Variants in IRAK1 observed in about 807,000 individuals in gnomAD.
The protein encoded by IRAK1 is interleukin 1 receptor associated kinase 1, also known as interleukin-1 receptor-associated kinase 1.
IRAK1 carries 9 observed loss-of-function variants against 49.8 expected under a neutral mutation model. That is an observed-to-expected ratio of 0.18 (90% CI 0.11 to 0.32). The LOEUF is 0.32. Among genes scored for constraint, IRAK1 ranks in the 10% least tolerant of loss-of-function variants. The pLI, the probability that IRAK1 is intolerant of heterozygous loss-of-function variation, is 1.00. For missense variants in IRAK1, 418 were observed against 600.5 expected (o/e 0.70, Z 3.18); for synonymous variants, 282 against 270.8 (o/e 1.04, Z -0.41).
At chrX:154,016,733 G>T in intron 8 of IRAK1, 89 bp from the exon 9 acceptor site, 1 of 830,893 alleles carries the variant, frequency 1.2e-6, no homozygotes, top group Non-Finnish European at 1.7e-6. Flanking sequence ...CTGCCAGCCC[G>T]GTGCCTTGCC....
In IRAK1 at chrX:154,016,963, A is replaced by G; in HGVS notation, c.1014T>C (p.His338=). Residue 338 remains histidine, a synonymous_variant, in exon 8 of 14, where the codon CAT becomes CAC. Coordinates refer to ENST00000369980, the MANE Select transcript of IRAK1 (RefSeq NM_001569.4). Reference sequence around the variant, plus strand: ...CCCCTCCTCACCTCTTGATGTCTCCATGGATGAGGCTGGGGCTGTCCTGAT... The same window carrying G: ...CCCCTCCTCACCTCTTGATGTCTCCGTGGATGAGGCTGGGGCTGTCCTGAT... ...FLHQDSPSLI[H]GDIKSSNVLL... 1.7e-6 allele frequency: 2 copies of G among 1,197,761 alleles called. No individual in the cohort carries two copies. Among genetic ancestry groups the G allele is most frequent in the Non-Finnish European group, 2.3e-6 (2 of 882,654 alleles).
chrX:154,012,768 T>A, intron 12 of IRAK1, 90 bp from the exon 13 acceptor site: 3 of 1,015,474 alleles, frequency 3.0e-6, no homozygotes, highest in Admixed American at 5.4e-5. Context: ...AGGCCTGAAT[T>A]CCTCAGAGAA....
At chrX:154,017,795 C>CAAA (rs1451487402) in intron 7 of IRAK1, among the ~76,000 whole-genome samples, 24 of 26,140 alleles carry the variant, frequency 9.2e-4, no homozygotes, top group East Asian at 2.6e-3. Context: ...GACTCCACCT[C>CAAA]AAAAAAAAAA....
chrX:154,010,937 A>G lies in IRAK1; in HGVS notation c.*922T>C, dbSNP rs782026944. On this transcript the variant is annotated 3_prime_UTR_variant, in exon 14 of 14. Coordinates refer to ENST00000369980, the MANE Select transcript of IRAK1 (RefSeq NM_001569.4). ...GGGATGGCCTGGCTTGCAGGCCACC[A>G]CATTAGGCCAGCTCGCAGGTCCCCA... The G allele has an allele frequency of 2.9e-6, 1 of 340,145 alleles. No individual in the cohort carries two copies. The highest frequency in any genetic ancestry group is 3.1e-5 in the Admixed American group (1 of 32,036). The allele number at this position is 340,145 out of a possible 1,213,427, so 28.0% of individuals were successfully genotyped here. A position where few individuals can be genotyped will look rare whatever the true frequency, so the allele number is the denominator to read the frequency against.
chrX:154,012,496 G>C lies in IRAK1; in HGVS notation c.2080+33C>G, dbSNP rs369145157. On this transcript the variant is annotated intron_variant, in intron 13 of 13. Transcript: ENST00000369980. The stretch of plus-strand genomic sequence containing the variant: ...CTTTGGGGCTGACACGGATGCGCCT[G>C]AGCACCCCAGAGGCCAGCCTGGGCG... 5.1e-6 allele frequency: 6 copies of C among 1,187,979 alleles called. No homozygotes were observed. The African/African-American group carries it at 1.1e-4, about 21-fold the overall frequency.
intron 2 of IRAK1, 40 bp from the exon 3 acceptor site, chrX:154,019,368 TG>T: frequency 1.8e-6 from 2 of 1,133,663 alleles, no homozygotes; most frequent in Non-Finnish European, 2.3e-6. Flanking sequence ...GAGGCCCGGG[TG>T]GGGGAGCCCC....
rs1266682216 is a variant in IRAK1, at chrX:154,010,898, G to A, written c.*961C>T. On this transcript the variant is annotated 3_prime_UTR_variant, in exon 14 of 14. Coordinates refer to ENST00000369980, the MANE Select transcript of IRAK1 (RefSeq NM_001569.4). ...CGAAGCCTGACCTGGCTCGGAGCTC[G>A]TCTGTGGCGCCCAGGGATGGCCTGG... 3.0e-5 allele frequency: 10 copies of A among 336,378 alleles called. No homozygotes were observed. Among genetic ancestry groups the A allele is most frequent in the Admixed American group, 1.6e-4 (5 of 31,693 alleles). The allele number at this position is 336,378 out of a possible 1,213,427, so 27.7% of individuals were successfully genotyped here. A position where few individuals can be genotyped will look rare whatever the true frequency, so the allele number is the denominator to read the frequency against.
chrX:154,012,536 G>A lies in IRAK1; in HGVS notation c.2073C>T (p.Ser691=), dbSNP rs2065706971. 2.5e-6 allele frequency: 3 copies of A among 1,207,438 alleles called. No homozygotes were observed. The highest frequency in any genetic ancestry group is 2.2e-5 in the Admixed American group (1 of 45,650). ...LDSLQLLSSS[S]LPGLGLEQDR... ...CAGCCTGGGCGGCAGCACCTGGGAG[G>A]GAGCTGGACGACAGCAGCTGCAGGC... Residue 691 remains serine (S), a synonymous_variant, in exon 13 of 14, where the codon TCC becomes TCT. Transcript: ENST00000369980.
At chrX:154,012,789 A>T (rs2065709211) in intron 12 of IRAK1, 111 bp from the exon 13 acceptor site, 2 of 893,096 alleles carry the variant, frequency 2.2e-6, no homozygotes. Context: ...GTCCAAGGGC[A>T]GGGCCCAGCT....
At position 154,016,024 on chromosome X, in the gene IRAK1, G is replaced by T; in HGVS notation, c.1302+8C>A. On this transcript the variant is annotated splice_region_variant and intron_variant, in intron 10 of 13. Coordinates refer to ENST00000369980, the MANE Select transcript of IRAK1 (RefSeq NM_001569.4). ...GTGTCCCTCCTGGCCCTGCCTCAAGGGGCTCACCAGATACTTGGTCCTGGC... is the reference window on the plus strand; with the variant it reads ...GTGTCCCTCCTGGCCCTGCCTCAAGTGGCTCACCAGATACTTGGTCCTGGC... 4.1e-6 allele frequency: 5 copies of T among 1,205,449 alleles called. No individual in the cohort carries two copies. Among genetic ancestry groups the T allele is most frequent in the Non-Finnish European group, 5.6e-6 (5 of 889,949 alleles).
In IRAK1 at chrX:154,018,069, G is replaced by A. The variant is rs782695296; in HGVS notation, c.846C>T (p.Gly282=). The A allele has an allele frequency of 5.0e-6, 6 of 1,211,485 alleles. No individual in the cohort carries two copies. The highest frequency in any genetic ancestry group is 6.7e-6 in the Non-Finnish European group (6 of 894,902). The change falls in exon 7 of 14, where the codon GGC becomes GGT. Residue 282 remains glycine, a synonymous_variant. Transcript: ENST00000369980. ...VDFAGYCAQN[G]FYCLVYGFLP... ...GGAAGCCGTACACCAGGCAGTAGAA[G>A]CCGTTCTGAGCACAGTAGCCAGCAA... is the stretch of plus-strand genomic sequence containing the variant.
chrX:154,013,476 C>G (rs782639963), intron 11 of IRAK1, 43 bp from the exon 12 acceptor site: 1 of 1,135,905 alleles, frequency 8.8e-7, no homozygotes, highest in Non-Finnish European at 1.2e-6. Flanking sequence ...GATGGCAGCC[C>G]TGGCCGGTCA....
At position 154,017,988 on chromosome X, in the gene IRAK1, C is replaced by G. The variant is rs782628763; in HGVS notation, c.909+18G>C. 1.8e-6 allele frequency: 2 copies of G among 1,127,750 alleles called. No individual in the cohort carries two copies. Among genetic ancestry groups the G allele is most frequent in the African/African-American group, 3.6e-5 (2 of 55,360 alleles). 92.9% of individuals were successfully genotyped at this position (1,127,750 alleles called of 1,213,427 possible). A position where few individuals can be genotyped will look rare whatever the true frequency, so the allele number is the denominator to read the frequency against. On this transcript the variant is annotated intron_variant, in intron 7 of 13. Coordinates refer to ENST00000369980, the MANE Select transcript of IRAK1 (RefSeq NM_001569.4). ...GTGCTTTGGGTCCTGGGAAGCGTGC[C>G]GGGCCAGGTGAGCCTACCTGGCAGT...
At chrX:154,014,356 T>A in intron 10 of IRAK1, 78 bp from the exon 11 acceptor site, 4 of 772,686 alleles carry the variant, frequency 5.2e-6, no homozygotes, top group South Asian at 2.6e-5. Flanking sequence ...TGTCACTCAA[T>A]CGTATGGGTT....
At position 154,013,352 on chromosome X, in the gene IRAK1, A is replaced by G; in HGVS notation, c.1621T>C (p.Ser541Pro). Reference protein sequence around the residue: ...HSEAASCIPPSPQENSYVSST... With the variant: ...HSEAASCIPPPPQENSYVSST... ...GACACGTAGGAGTTCTCCTGCGGGG[A>G]AGGGGGGATGCAGCTGGCGGCCTCC... is the stretch of plus-strand genomic sequence containing the variant. Residue 541 changes from serine to proline, a missense_variant, in exon 12 of 14, where the codon TCC (serine) becomes CCC (proline). Coordinates refer to ENST00000369980, the MANE Select transcript of IRAK1 (RefSeq NM_001569.4). 8.3e-7 allele frequency: 1 copy of G among 1,204,438 alleles called. No homozygotes were observed.
Position 154,018,627 on chromosome X carries a change from G to C in IRAK1, c.701C>G (p.Thr234Arg). Residue 234 changes from threonine (T) to arginine (R), a missense_variant, in exon 5 of 14, where the codon ACG becomes AGG. Physicochemically the swap from Thr to Arg is moderately conservative, Grantham distance 71. Around this residue, in one of 3 missense-constraint regions of IRAK1, gnomAD observed 377 missense variants for 499.5 expected, o/e 0.75. Transcript: ENST00000369980. ...GCVYRAVMRN[T>R]VYAVKRLKEN... ...CTTCAGCCTCTTCACAGCATACACCGTGTTCCTCATCACCGCCCGGTACAC... is the reference window on the plus strand; with the variant it reads ...CTTCAGCCTCTTCACAGCATACACCCTGTTCCTCATCACCGCCCGGTACAC... 2.5e-6 allele frequency: 3 copies of C among 1,209,651 alleles called. No individual in the cohort carries two copies. Among genetic ancestry groups the C allele is most frequent in the Non-Finnish European group, 3.4e-6 (3 of 893,847 alleles).
At position 154,014,174 on chromosome X, in the gene IRAK1, G is replaced by A. The variant is rs782146363; in HGVS notation, c.1407C>T (p.Ile469=). ...GGTGCTTCTTGTAGATCTGCATGGC[G>A]ATGGGAGCAGCCCAGGCATCTGCAG... ...GLAADAWAAP[I]AMQIYKKHLD... is the part of the protein sequence containing the mutation. Residue 469 remains isoleucine (I), a synonymous_variant, in exon 11 of 14, where the codon ATC becomes ATT. Transcript: ENST00000369980. The A allele has an allele frequency of 2.2e-4, 264 of 1,207,816 alleles. 2 individuals are homozygous for A. The South Asian group carries it at 4.1e-3, about 19-fold the overall frequency.
rs1169685786 is a variant in IRAK1, at chrX:154,014,209, C to T, written c.1372G>A (p.Ala458Thr). ...ALRSTQSTLQ[A>T]GLAADAWAAP... ...GCCCAGGCATCTGCAGCCAGACCTG[C>T]TTGCAGTGTGCTCTGGGTGCTTCTC... The change falls in exon 11 of 14, where the codon GCA becomes ACA. Residue 458 changes from alanine (A) to threonine (T), a missense_variant. Transcript: ENST00000369980. 8.3e-7 allele frequency: 1 copy of T among 1,207,579 alleles called. No individual in the cohort carries two copies. Among genetic ancestry groups the T allele is most frequent in the Non-Finnish European group, 1.1e-6 (1 of 894,100 alleles).
rs112750607 is a variant in IRAK1, at chrX:154,010,722, T to C, written c.*1137A>G. ...GATACATGTCTTTTCCCTGAAAATG[T>C]TTCCCTTCCCTGTCTGCCATGCTCC... is the stretch of plus-strand genomic sequence containing the variant. On this transcript the variant is annotated 3_prime_UTR_variant, in exon 14 of 14. Coordinates refer to ENST00000369980, the MANE Select transcript of IRAK1 (RefSeq NM_001569.4). The C allele has an allele frequency of 4.3e-6, 1 of 234,658 alleles. No homozygotes were observed. Among genetic ancestry groups the C allele is most frequent in the Non-Finnish European group, 8.1e-6 (1 of 123,413 alleles). The allele number at this position is 234,658 out of a possible 1,213,427, so 19.3% of individuals were successfully genotyped here.
Sources: allele counts gnomAD v4.1 joint callset (sites outside exome capture counted in the v4.1 genomes callset), GRCh38; gene constraint gnomAD v4.1.1; regional missense constraint gnomAD v4.1.1; transcripts MANE v1.5; gene names NCBI Gene and HGNC (gene_info 2026-07-23, HGNC 2026-07-21).